Variants in ABCA13 observed in about 807,000 individuals in gnomAD.
ABCA13 encodes the protein ATP binding cassette subfamily A member 13.
A neutral mutation model predicts 478.7 loss-of-function variants in ABCA13; 476 were observed. The observed-to-expected ratio is 0.99, with a 90% CI of 0.92 to 1.07. ABCA13 has a LOEUF of 1.07. Ranked by LOEUF, ABCA13 falls within the 50% of genes least tolerant of loss-of-function variation. The probability of loss-of-function intolerance (pLI) is 0.00; values close to 1 mark genes in which losing one functional copy is unlikely to be tolerated. For synonymous variants in ABCA13, 2,252 were observed against 2,158.9 expected (o/e 1.04, Z -1.20); for missense variants, 6,060 against 5,910.6 (o/e 1.03, Z -0.83).
chr7:48,506,044 T>C (rs1182387865), intron 48 of ABCA13, among the ~76,000 whole-genome samples: 2 of 152,212 alleles, frequency 1.3e-5, no homozygotes, highest in East Asian at 1.9e-4. Flanking sequence ...GGGATACTTA[T>C]GAGGATTACA....
intron 55 of ABCA13, among the ~76,000 whole-genome samples, chr7:48,532,030 A>G (rs544960670): frequency 6.6e-6 from 1 of 152,152 alleles, no homozygotes; most frequent in African/African-American, 2.4e-5. Flanking sequence ...GACTTCCAGT[A>G]TTATGTTGAA....
At chr7:48,632,327 A>C (rs2131641679) in intron 59 of ABCA13, among the ~76,000 whole-genome samples, 1 of 152,162 alleles carries the variant, frequency 6.6e-6, no homozygotes, top group African/African-American at 2.4e-5. Context: ...TCTGGATGCC[A>C]ATTTCTTATC....
intron 55 of ABCA13, among the ~76,000 whole-genome samples, chr7:48,540,926 G>C (rs1359960384): frequency 6.6e-6 from 1 of 151,840 alleles, no homozygotes; most frequent in Non-Finnish European, 1.5e-5. Context: ...TCAACTTTTT[G>C]TCTTGGCAAG....
intron 35 of ABCA13, among the ~76,000 whole-genome samples, chr7:48,379,905 C>G (rs1445055923): frequency 6.6e-6 from 1 of 152,152 alleles, no homozygotes; most frequent in Non-Finnish European, 1.5e-5. Context: ...AACAGAAGAT[C>G]CATTTTCTGT....
At chr7:48,379,333 ATAATTTC>A (rs1563154435) in intron 35 of ABCA13, among the ~76,000 whole-genome samples, 2 of 152,236 alleles carry the variant, frequency 1.3e-5, no homozygotes, top group African/African-American at 4.8e-5. Flanking sequence ...AAAGAGGGTT[ATAATTTC>A]TAGGAGGTCT....
intron 35 of ABCA13, among the ~76,000 whole-genome samples, chr7:48,382,307 C>T (rs866470607): frequency 6.6e-6 from 1 of 152,152 alleles, no homozygotes; most frequent in Admixed American, 6.5e-5. Flanking sequence ...AGACCATGTC[C>T]CTCCCCTGCA....
intron 42 of ABCA13, among the ~76,000 whole-genome samples, chr7:48,449,639 A>G (rs1237027431): frequency 6.6e-6 from 1 of 152,202 alleles, no homozygotes; most frequent in Non-Finnish European, 1.5e-5. Context: ...AATTAGAAGT[A>G]TATTTCCCAA....
chr7:48,445,744 C>G lies in ABCA13; in HGVS notation c.12566-9293C>G, dbSNP rs571611868. 1.5e-4 allele frequency among the ~76,000 whole-genome samples: 23 copies of G among 152,072 alleles called. No homozygotes were observed. In the South Asian group the frequency reaches 3.3e-3, roughly 22 times the overall value. ...TAATTGCAAGTGTTTAACATCTTTG[C>G]CCAGTGAAAGAATGCAAATTCAGTG... On this transcript the variant is annotated intron_variant, in intron 42 of 61. Transcript: ENST00000435803.
At chr7:48,417,121 A>G (rs1820123406) in intron 41 of ABCA13, among the ~76,000 whole-genome samples, 1 of 152,098 alleles carries the variant, frequency 6.6e-6, no homozygotes, top group Non-Finnish European at 1.5e-5. Flanking sequence ...TGATTTTACC[A>G]TTGAGACTGT....
In ABCA13 at chr7:48,288,062, C is replaced by T. The variant is rs373701095; in HGVS notation, c.8939C>T (p.Ala2980Val). The T allele has an allele frequency of 4.3e-6, 7 of 1,613,844 alleles. No individual in the cohort carries two copies. The highest frequency in any genetic ancestry group is 3.3e-5 in the South Asian group (3 of 91,064). The stretch of plus-strand genomic sequence containing the variant: ...TCTGCTATACAAGGGGTCACTTTGG[C>T]GCAGGACCACTTCCAGGTTTGTCGT... ...ILSAIQGVTL[A>V]QDHFQEIEKI... is the part of the protein sequence containing the mutation. The change falls in exon 20 of 62, where the codon GCG becomes GTG. Residue 2980 changes from alanine to valine, a missense_variant. Around this residue, in one of 3 missense-constraint regions of ABCA13, gnomAD observed 4,423 missense variants for 4,309.1 expected, o/e 1.03. Coordinates refer to ENST00000435803, the MANE Select transcript of ABCA13 (RefSeq NM_152701.5).
chr7:48,268,850 C>CTT (rs57201740), intron 15 of ABCA13, 130 bp from the exon 16 acceptor site: 3,046 of 244,134 alleles, frequency 0.012, 7 homozygotes, highest in African/African-American at 0.023. Context: ...TCCTACTCAT[C>CTT]TTTTTTTTTT....
chr7:48,584,747 T>A (rs991514146), intron 56 of ABCA13, among the ~76,000 whole-genome samples: 1 of 152,194 alleles, frequency 6.6e-6, no homozygotes. Context: ...AGTTTTTTTT[T>A]ATTTAGAAGT....
intron 35 of ABCA13, among the ~76,000 whole-genome samples, chr7:48,386,668 A>G (rs1815240305): frequency 6.6e-6 from 1 of 152,238 alleles, no homozygotes; most frequent in South Asian, 2.1e-4. Context: ...GTATGGGGAT[A>G]ACTGGCTAGA....
intron 48 of ABCA13, among the ~76,000 whole-genome samples, chr7:48,491,698 G>A (rs972159086): frequency 3.9e-5 from 6 of 152,176 alleles, no homozygotes; most frequent in Admixed American, 2.0e-4. Context: ...CCACAGGAAG[G>A]TGTGTTGGCA....
chr7:48,269,357 T>C (rs1795297754), intron 16 of ABCA13, among the ~76,000 whole-genome samples: 1 of 152,194 alleles, frequency 6.6e-6, no homozygotes, highest in Non-Finnish European at 1.5e-5. Flanking sequence ...AATAATAACA[T>C]GATTTATAAT....
chr7:48,504,411 G>A (rs1431897215), intron 48 of ABCA13, among the ~76,000 whole-genome samples: 3 of 152,150 alleles, frequency 2.0e-5, no homozygotes, highest in Admixed American at 2.0e-4. Context: ...CGAGGATGGA[G>A]TTCACGTGAA....
At chr7:48,189,718 TC>T (rs1184295203) in intron 1 of ABCA13, among the ~76,000 whole-genome samples, 8 of 152,218 alleles carry the variant, frequency 5.3e-5, no homozygotes, top group African/African-American at 1.9e-4. Context: ...TTTGGCAGGG[TC>T]CTTTAAATGA....
intron 45 of ABCA13, among the ~76,000 whole-genome samples, chr7:48,476,136 G>C (rs528435024): frequency 6.6e-6 from 1 of 152,298 alleles, no homozygotes; most frequent in Admixed American, 6.5e-5. Flanking sequence ...TGTGACTGGA[G>C]TGAAATTAAG....
chr7:48,281,198 C>T lies in ABCA13; in HGVS notation c.8727-145C>T, dbSNP rs561623268. 251 of 674,708 alleles carry T rather than the reference C, an allele frequency of 3.7e-4. 3 individuals carry two copies. The highest frequency in any genetic ancestry group is 3.6e-4 in the Non-Finnish European group (142 of 395,934). 41.8% of individuals were successfully genotyped at this position (674,708 alleles called of 1,614,324 possible). A position where few individuals can be genotyped will look rare whatever the true frequency, so the allele number is the denominator to read the frequency against. ...GTCCAGAATGTGTTATCTGTGTTTTCTTATGTTCCTATGAAGAAAATATGA... is the reference window on the plus strand; with the variant it reads ...GTCCAGAATGTGTTATCTGTGTTTTTTTATGTTCCTATGAAGAAAATATGA... On this transcript the variant is annotated intron_variant, in intron 18 of 61. Coordinates refer to ENST00000435803, the MANE Select transcript of ABCA13 (RefSeq NM_152701.5).
Sources: gnomAD v4.1 joint callset for allele counts (sites outside exome capture counted in the v4.1 genomes callset) on GRCh38, gnomAD v4.1.1 for gene constraint, gnomAD v4.1.1 regional missense constraint, MANE v1.5 for transcripts, NCBI Gene and HGNC (gene_info 2026-07-23, HGNC 2026-07-21) for gene names.